Variants in DLG5 observed in about 807,000 individuals in gnomAD.
DLG5 encodes the protein discs large MAGUK scaffold protein 5.
Under a neutral mutation model 189.8 loss-of-function variants are expected in DLG5, and 48 were observed. That is an observed-to-expected ratio of 0.25 (90% CI 0.20 to 0.32). The LOEUF (loss-of-function observed/expected upper bound fraction) is 0.32. Among genes scored for constraint, DLG5 ranks in the 10% least tolerant of loss-of-function variants. The pLI is 1.00. For missense variants in DLG5, 2,160 were observed against 2,544.7 expected (o/e 0.85, Z 3.25); for synonymous variants, 1,016 against 1,054.1 (o/e 0.96, Z 0.70).
intron 18 of DLG5, 64 bp downstream of exon 18, chr10:77,817,713 G>T (rs1842130900): frequency 4.2e-6 from 6 of 1,412,796 alleles, no homozygotes; most frequent in Non-Finnish European, 5.9e-6. Flanking sequence ...CTGGACATTA[G>T]GATGCAGGCA....
At chr10:77,826,054 G>A (rs1459636189) in intron 13 of DLG5, among the ~76,000 whole-genome samples, 2 of 152,186 alleles carry the variant, frequency 1.3e-5, no homozygotes, top group Non-Finnish European at 2.9e-5. Flanking sequence ...ACACTGCAGG[G>A]AGGACTGCAA....
At chr10:77,802,777 G>A (rs1026541743) in intron 27 of DLG5, among the ~76,000 whole-genome samples, 6 of 152,154 alleles carry the variant, frequency 3.9e-5, no homozygotes, top group African/African-American at 1.2e-4. Flanking sequence ...ACAGGCACCT[G>A]TAATCCCAGC....
intron 3 of DLG5, 27 bp from the exon 4 acceptor site, chr10:77,854,397 G>T: frequency 6.2e-7 from 1 of 1,612,568 alleles, no homozygotes; most frequent in Non-Finnish European, 8.5e-7. Flanking sequence ...ATGGCCCCAT[G>T]AACACAGGCC....
chr10:77,929,418 C>T (rs1031787518), upstream of DLG5: 1 of 152,146 alleles, frequency 6.6e-6, no homozygotes, highest in Non-Finnish European at 1.5e-5. Context: ...TGCGGCACAC[C>T]CTTGTAGTGG....
intron 7 of DLG5, among the ~76,000 whole-genome samples, chr10:77,836,795 C>T (rs148169343): frequency 3.3e-5 from 5 of 151,746 alleles, no homozygotes; most frequent in South Asian, 4.2e-4. Flanking sequence ...TCAGACCTCA[C>T]GGTTTCTGGG....
At position 77,882,903 on chromosome 10, in the gene DLG5, G is replaced by A. The variant is rs541852007; in HGVS notation, c.305-13706C>T. Among the ~76,000 whole-genome samples, 453 of 148,856 alleles carry A rather than the reference G, an allele frequency of 3.0e-3. 3 individuals carry two copies. The highest frequency in any genetic ancestry group is 4.5e-3 in the Non-Finnish European group (300 of 67,406). On this transcript the variant is annotated intron_variant, in intron 1 of 31. Transcript: ENST00000372391. ...CACTCCAGCCTGGGTGCACTCCAGC[G>A]AAACAATGTCTCAAAGAAAAAAAAA...
intron 12 of DLG5, 108 bp from the exon 13 acceptor site, chr10:77,829,093 G>T (rs1279482969): frequency 7.9e-7 from 1 of 1,268,584 alleles, no homozygotes; most frequent in South Asian, 1.4e-5. Context: ...ATGTCAGCAG[G>T]CTGCGCCCTG....
intron 2 of DLG5, among the ~76,000 whole-genome samples, chr10:77,858,715 T>C (rs1459722239): frequency 1.3e-5 from 2 of 152,176 alleles, no homozygotes; most frequent in African/African-American, 4.8e-5. Context: ...ATCCTGACCC[T>C]CTGTAGCCCT....
Position 77,833,932 on chromosome 10 carries a change from C to T in DLG5, c.1730G>A (p.Arg577His), listed in dbSNP as rs929329085. The T allele has an allele frequency of 6.2e-6, 10 of 1,606,478 alleles. No individual in the cohort carries two copies. The highest frequency in any genetic ancestry group is 8.5e-6 in the Non-Finnish European group (10 of 1,179,914). ...AGCCTACTTGAGCTCCTTCAGCTCGCGGCTGACATCATTCTTCTGCTTGCG... is the reference window on the plus strand; with the variant it reads ...AGCCTACTTGAGCTCCTTCAGCTCGTGGCTGACATCATTCTTCTGCTTGCG... ...DTRKQKNDVS[R>H]ELKELKEQME... Residue 577 changes from arginine to histidine, a missense_variant, in exon 9 of 32, where the codon CGC (arginine) becomes CAC (histidine). Arg to His is a conservative substitution (Grantham distance 29). Around this residue, in one of 5 missense-constraint regions of DLG5, gnomAD observed 664 missense variants for 838.5 expected, o/e 0.79. Coordinates refer to ENST00000372391, the MANE Select transcript of DLG5 (RefSeq NM_004747.4).
chr10:77,858,201 G>A (rs1844326318), intron 2 of DLG5, among the ~76,000 whole-genome samples: 1 of 152,228 alleles, frequency 6.6e-6, no homozygotes, highest in Middle Eastern at 3.4e-3. Context: ...TGAAATGCAC[G>A]ACAGTCATGT....
intron 1 of DLG5, among the ~76,000 whole-genome samples, chr10:77,919,741 C>T (rs1256187930): frequency 6.6e-6 from 1 of 152,092 alleles, no homozygotes; most frequent in African/African-American, 2.4e-5. Flanking sequence ...GCCAGCTCCA[C>T]ACCACCAGTA....
intron 9 of DLG5, among the ~76,000 whole-genome samples, chr10:77,833,544 C>CAAGT (rs1405014019): frequency 6.6e-6 from 1 of 150,790 alleles, no homozygotes; most frequent in Non-Finnish European, 1.5e-5. Flanking sequence ...AAAATCTCTG[C>CAAGT]GAGTGAGTGA....
intron 1 of DLG5, among the ~76,000 whole-genome samples, chr10:77,909,869 T>A (rs1339303420): frequency 6.6e-6 from 1 of 152,138 alleles, no homozygotes; most frequent in Non-Finnish European, 1.5e-5. Context: ...CAACTCAGTG[T>A]CCACGGGGCC....
In DLG5 at chr10:77,796,095, G is replaced by A; in HGVS notation, c.5402C>T (p.Thr1801Ile). The A allele has an allele frequency of 6.2e-7, 1 of 1,614,198 alleles. No homozygotes were observed. The highest frequency in any genetic ancestry group is 8.5e-7 in the Non-Finnish European group (1 of 1,180,040). ...GATCTCCTTTATTGACGCCACAGTG[G>A]TCACATCGAAATGGCCGCTTCTCCG... ...YKRRSGHFDV[T>I]TVASIKEITE... Residue 1801 changes from threonine (T) to isoleucine (I), a missense_variant, in exon 29 of 32, where the codon ACC becomes ATC. Transcript: ENST00000372391. The surrounding 1 kb of genome is among the most constrained non-coding windows in gnomAD (Gnocchi z 5.2).
intron 1 of DLG5, among the ~76,000 whole-genome samples, chr10:77,876,888 A>T (rs1284238600): frequency 1.1e-4 from 14 of 125,542 alleles, no homozygotes; most frequent in African/African-American, 2.7e-4. Context: ...TTTTTTTTTT[A>T]AACTTTATAT....
chr10:77,887,906 G>A (rs200740092), intron 1 of DLG5, among the ~76,000 whole-genome samples: 3 of 152,280 alleles, frequency 2.0e-5, no homozygotes, highest in East Asian at 1.9e-4. Flanking sequence ...ACAGCCAGCC[G>A]GCGATTTTCA....
At chr10:77,807,074 C>A in intron 25 of DLG5, 146 bp from the exon 26 acceptor site, 1 of 891,660 alleles carries the variant, frequency 1.1e-6, no homozygotes, top group East Asian at 2.7e-5. Context: ...GGTGGTGATT[C>A]TCAAAGTGGG....
rs184356191 is a variant in DLG5 at position 77,849,572 on chromosome 10, C to G, written c.864+3782G>C. Reference sequence around the variant, plus strand: ...TCTGGAGGTGGTGTTTGCTGAGAGGCACTGGTCCAGCTGAACTGACCTGGG... The same window carrying G: ...TCTGGAGGTGGTGTTTGCTGAGAGGGACTGGTCCAGCTGAACTGACCTGGG... On this transcript the variant is annotated intron_variant, in intron 5 of 31. Coordinates refer to ENST00000372391, the MANE Select transcript of DLG5 (RefSeq NM_004747.4). 2.4e-4 allele frequency among the ~76,000 whole-genome samples: 36 copies of G among 152,344 alleles called. No homozygotes were observed. In the East Asian group the frequency reaches 6.0e-3, roughly 25 times the overall value.
Position 77,843,658 on chromosome 10 carries a change from T to C in DLG5, c.913A>G (p.Thr305Ala). The change falls in exon 6 of 32, where the codon ACG (threonine) becomes GCG (alanine). Residue 305 changes from threonine (T) to alanine (A), a missense_variant. Physicochemically the swap from Thr to Ala is moderately conservative, Grantham distance 58. This residue lies in a region of DLG5 where 664 missense variants were observed against 838.5 expected (regional missense o/e 0.79). Coordinates refer to ENST00000372391, the MANE Select transcript of DLG5 (RefSeq NM_004747.4). ...ACCACCTCCAACTTGTCCATGGCCG[T>C]GTCATACAGTTTGTTGAGAATCTCG... ...SSEILNKLYD[T>A]AMDKLEVVKK... 6.2e-7 allele frequency: 1 copy of C among 1,614,070 alleles called. No homozygotes were observed. The highest frequency in any genetic ancestry group is 8.5e-7 in the Non-Finnish European group (1 of 1,180,018).
Sources: allele counts gnomAD v4.1 joint callset (sites outside exome capture counted in the v4.1 genomes callset), GRCh38; gene constraint gnomAD v4.1.1; regional missense constraint gnomAD v4.1.1; non-coding constraint Gnocchi (gnomAD v3.1); transcripts MANE v1.5; gene names NCBI Gene and HGNC (gene_info 2026-07-23, HGNC 2026-07-21).